The following AR variants were observed in gnomAD, a reference collection of about 807,000 sequenced individuals.
AR encodes the protein androgen receptor, also known as dihydrotestosterone receptor.
In AR, 8 loss-of-function variants were observed where a neutral mutation model predicts 53.9. The observed-to-expected ratio is 0.15, with a 90% CI of 0.09 to 0.27. The LOEUF (loss-of-function observed/expected upper bound fraction) is 0.27. Ranked by LOEUF, AR falls within the 10% of genes least tolerant of loss-of-function variation. The pLI, the probability that AR is intolerant of heterozygous loss-of-function variation, is 1.00. For missense variants in AR, 639 were observed against 742.5 expected (o/e 0.86, Z 1.62); for synonymous variants, 359 against 316.4 (o/e 1.13, Z -1.43).
intron 2 of AR, among the ~76,000 whole-genome samples, chrX:67,668,268 G>A (rs1254349338): frequency 9.0e-6 from 1 of 111,616 alleles, no homozygotes; most frequent in Non-Finnish European, 1.9e-5. Flanking sequence ...ATATTTTAAG[G>A]AAGATAAAAA....
intron 1 of AR, among the ~76,000 whole-genome samples, chrX:67,625,924 T>A (rs1211807692): frequency 9.0e-6 from 1 of 110,961 alleles, no homozygotes; most frequent in Non-Finnish European, 1.9e-5. Context: ...CCCTTGATTA[T>A]TTTATTAAAA....
At chrX:67,718,015 C>A (rs187415776) in intron 5 of AR, among the ~76,000 whole-genome samples, 2 of 112,786 alleles carry the variant, frequency 1.8e-5, no homozygotes, top group African/African-American at 6.4e-5. Context: ...TCACCATTTG[C>A]TGAGCAACTA....
chrX:67,550,712 G>C (rs1569266628), intron 1 of AR, among the ~76,000 whole-genome samples: 3 of 108,379 alleles, frequency 2.8e-5, no homozygotes. Context: ...GTCAGAGAAG[G>C]AAAAGGAAAT....
At chrX:67,691,903 T>C (rs1219256746) in intron 3 of AR, among the ~76,000 whole-genome samples, 2 of 112,324 alleles carry the variant, frequency 1.8e-5, no homozygotes. Flanking sequence ...ATCTAATGTC[T>C]GCAGGTACAT....
intron 1 of AR, among the ~76,000 whole-genome samples, chrX:67,608,165 C>A (rs774142870): frequency 1.8e-5 from 2 of 111,903 alleles, no homozygotes; most frequent in Admixed American, 9.5e-5. Flanking sequence ...GCAGACCAGA[C>A]CAGAGTTTAC....
At chrX:67,671,110 A>G (rs774417821) in intron 2 of AR, among the ~76,000 whole-genome samples, 6 of 112,229 alleles carry the variant, frequency 5.3e-5, no homozygotes, top group Admixed American at 3.8e-4. Flanking sequence ...TCTTTTGGGT[A>G]TATACCCAGT....
rs138482096 is a variant in AR at position 67,675,842 on chromosome X, A to G, written c.1769-10168A>G. On this transcript the variant is annotated intron_variant, in intron 2 of 7. Coordinates refer to ENST00000374690, the MANE Select transcript of AR (RefSeq NM_000044.6). ...GTGCCTGCAAGCGGGGATGGGGGAC[A>G]ATTGCTGGAGGCTTCTCTTTGGCCA... 3.6e-5 allele frequency among the ~76,000 whole-genome samples: 4 copies of G among 111,456 alleles called. No individual in the cohort carries two copies. The East Asian group carries it at 1.1e-3, about 32-fold the overall frequency.
chrX:67,649,801 G>A (rs1037278266), intron 2 of AR, among the ~76,000 whole-genome samples: 11 of 111,830 alleles, frequency 9.8e-5, no homozygotes, highest in African/African-American at 1.6e-4. Context: ...GATAGATTGC[G>A]AAAATTTTCT....
At chrX:67,595,772 C>A (rs1923050057) in intron 1 of AR, among the ~76,000 whole-genome samples, 1 of 110,689 alleles carries the variant, frequency 9.0e-6, no homozygotes, top group Non-Finnish European at 1.9e-5. Context: ...TATGGTCACA[C>A]CACTGCACTC....
intron 1 of AR, among the ~76,000 whole-genome samples, chrX:67,628,245 G>A (rs1185838455): frequency 9.3e-5 from 10 of 107,193 alleles, no homozygotes; most frequent in Non-Finnish European, 1.9e-4. Flanking sequence ...CCATTTTCAC[G>A]ATATTGATTC....
Position 67,592,964 on chromosome X carries a change from G to A in AR, c.1616+46202G>A, listed in dbSNP as rs756289686. Among the ~76,000 whole-genome samples, 68 of 111,670 alleles carry A rather than the reference G, an allele frequency of 6.1e-4. 1 individual carries two copies. The Admixed American group carries it at 6.1e-3, about 10-fold the overall frequency. On this transcript the variant is annotated intron_variant, in intron 1 of 7. Coordinates refer to ENST00000374690, the MANE Select transcript of AR (RefSeq NM_000044.6). The stretch of plus-strand genomic sequence containing the variant: ...TAACTTTAAAAAAACAAGTAAAATA[G>A]TGCCAAGAATATTATCTAACTAACC...
chrX:67,690,983 C>G (rs2147503666), intron 3 of AR, among the ~76,000 whole-genome samples: 1 of 111,921 alleles, frequency 8.9e-6, no homozygotes, highest in Non-Finnish European at 1.9e-5. Context: ...GGTTATTATA[C>G]TAGGTAGTTT....
In AR at chrX:67,711,469, C is replaced by T. The variant is rs2147524336; in HGVS notation, c.1953C>T (p.Ser651=). The T allele has an allele frequency of 8.3e-7, 1 of 1,208,148 alleles. No individual in the cohort carries two copies. ...QEEGEASSTT[S]PTEETTQKLT... ...AAGGAGAGGCTTCCAGCACCACCAG[C>T]CCCACTGAGGAGACAACCCAGAAGC... is the stretch of plus-strand genomic sequence containing the variant. Residue 651 remains serine, a synonymous_variant, in exon 4 of 8, where the codon AGC becomes AGT. Transcript: ENST00000374690.
At chrX:67,577,740 G>T in intron 1 of AR, among the ~76,000 whole-genome samples, 1 of 111,274 alleles carries the variant, frequency 9.0e-6, no homozygotes, top group African/African-American at 3.3e-5. Flanking sequence ...TGAAGAGTAA[G>T]GATATTGATC....
intron 1 of AR, among the ~76,000 whole-genome samples, chrX:67,606,893 G>A (rs1475820479): frequency 8.9e-6 from 1 of 112,482 alleles, no homozygotes; most frequent in Non-Finnish European, 1.9e-5. Flanking sequence ...TGGGCAGAAT[G>A]TGTTGGTTCT....
At chrX:67,574,161 A>G (rs1290358362) in intron 1 of AR, among the ~76,000 whole-genome samples, 1 of 112,137 alleles carries the variant, frequency 8.9e-6, no homozygotes. Flanking sequence ...CACTTCAACT[A>G]TAGAAGGCCT....
At chrX:67,634,769 A>G (rs1380963901) in intron 1 of AR, among the ~76,000 whole-genome samples, 1 of 111,701 alleles carries the variant, frequency 9.0e-6, no homozygotes, top group African/African-American at 3.3e-5. Context: ...AGTAAGCACA[A>G]TAGATCTATA....
chrX:67,620,642 G>T (rs777532043), intron 1 of AR, among the ~76,000 whole-genome samples: 27 of 111,418 alleles, frequency 2.4e-4, no homozygotes, highest in Non-Finnish European at 3.2e-4. Flanking sequence ...ATAATAGTGA[G>T]ATTCAAACTC....
chrX:67,600,367 A>T (rs1758813422), intron 1 of AR, among the ~76,000 whole-genome samples: 2 of 111,683 alleles, frequency 1.8e-5, no homozygotes, highest in African/African-American at 6.5e-5. Context: ...TCATAAAAAA[A>T]TGAGACCCTG....
Sources: allele counts gnomAD v4.1 joint callset (sites outside exome capture counted in the v4.1 genomes callset), GRCh38; gene constraint gnomAD v4.1.1; transcripts MANE v1.5; gene names NCBI Gene and HGNC (gene_info 2026-07-23, HGNC 2026-07-21).